Variants in SEL1L3 observed in about 807,000 individuals in gnomAD.
The protein encoded by SEL1L3 is SEL1L family member 3.
SEL1L3 carries 76 observed loss-of-function variants against 142.8 expected under a neutral mutation model. The ratio of observed to expected loss-of-function variants is 0.53; its 90% confidence interval spans 0.44 to 0.64. The LOEUF is 0.64. Among genes scored for constraint, SEL1L3 ranks in the 30% least tolerant of loss-of-function variants. The pLI, the probability that SEL1L3 is intolerant of heterozygous loss-of-function variation, is 0.00. For missense variants in SEL1L3, 1,262 were observed against 1,381.7 expected, an observed-to-expected ratio of 0.91 and a Z score of 1.37; for synonymous variants, 504 against 519.6, an observed-to-expected ratio of 0.97 and a Z score of 0.41.
chr4:25,737,332 T>C, the SEL1L3 span, among the ~76,000 whole-genome samples: 49 of 152,296 alleles, frequency 3.2e-4, no homozygotes, highest in East Asian at 9.3e-3. Context: ...TTCTAGAGAA[T>C]GAGAAGTCCA....
At chr4:25,839,835 A>C (rs1349236163) in intron 2 of SEL1L3, among the ~76,000 whole-genome samples, 1 of 152,196 alleles carries the variant, frequency 6.6e-6, no homozygotes, top group Non-Finnish European at 1.5e-5. Context: ...AGCTCTGAGC[A>C]CTTCCGGGCA....
intron 2 of SEL1L3, among the ~76,000 whole-genome samples, chr4:25,844,968 C>T (rs895550958): frequency 6.6e-6 from 1 of 152,024 alleles, no homozygotes; most frequent in Non-Finnish European, 1.5e-5. Context: ...TCATTTAAAG[C>T]ACTGCACAAA....
At chr4:25,740,474 T>C in the SEL1L3 span, among the ~76,000 whole-genome samples, 141 of 151,390 alleles carry the variant, frequency 9.3e-4, no homozygotes, top group African/African-American at 3.2e-3. Flanking sequence ...TTCTTACTGG[T>C]GCATGGTTTT....
At chr4:25,843,034 C>T (rs1318896280) in intron 2 of SEL1L3, among the ~76,000 whole-genome samples, 1 of 152,116 alleles carries the variant, frequency 6.6e-6, no homozygotes, top group Non-Finnish European at 1.5e-5. Context: ...GTGGAGGGAG[C>T]AGTCACACAG....
intron 5 of SEL1L3, 99 bp downstream of exon 5, chr4:25,832,896 T>C: frequency 1.4e-6 from 1 of 699,910 alleles, no homozygotes; most frequent in Non-Finnish European, 2.5e-6. Flanking sequence ...TTACCACAAA[T>C]TTGCTTTTGC....
At chr4:25,723,130 C>T in the SEL1L3 span, among the ~76,000 whole-genome samples, 1 of 152,178 alleles carries the variant, frequency 6.6e-6, no homozygotes, top group East Asian at 1.9e-4. Context: ...AAGGCCATTC[C>T]TAGCTGGTGA....
intron 1 of SEL1L3, among the ~76,000 whole-genome samples, chr4:25,855,611 G>T (rs76177297): frequency 3.9e-5 from 6 of 152,078 alleles, no homozygotes; most frequent in Non-Finnish European, 8.8e-5. Context: ...CAAAAAAAAA[G>T]TTAGCCAGGT....
chr4:25,842,560 T>G lies in SEL1L3; in HGVS notation c.733+4734A>C, dbSNP rs533850258. ...GCAGCCTTAACTAGCGCAGCCCTGGTGGGTTTGTCTGGGAAGCTGTGGAGT... is the reference window on the plus strand; with the variant it reads ...GCAGCCTTAACTAGCGCAGCCCTGGGGGGTTTGTCTGGGAAGCTGTGGAGT... On this transcript the variant is annotated intron_variant, in intron 2 of 23. Transcript: ENST00000399878. Among the ~76,000 whole-genome samples, 199 of 152,302 alleles carry G rather than the reference T, an allele frequency of 1.3e-3. 2 individuals carry two copies. Among genetic ancestry groups the G allele is most frequent in the African/African-American group, 4.6e-3 (192 of 41,584 alleles).
rs139624341 is a variant in SEL1L3, at chr4:25,766,459, G to T, written c.2846-1024C>A. 3.3e-5 allele frequency among the ~76,000 whole-genome samples: 5 copies of T among 151,490 alleles called. No homozygotes were observed. In the East Asian group the frequency reaches 9.7e-4, roughly 29 times the overall value. On this transcript the variant is annotated intron_variant, in intron 19 of 23. Coordinates refer to ENST00000399878, the MANE Select transcript of SEL1L3 (RefSeq NM_015187.5). ...CATCTCAAAAAAAAAAAAAAAAAGG[G>T]TGTATGTATTAGTCAATGTCCAATA...
In SEL1L3 at chr4:25,847,297, T is replaced by A; in HGVS notation, c.730A>T (p.Asn244Tyr). ...ANRIPQCPLENDVVALLGFPY... is the reference protein window; with the variant it reads ...ANRIPQCPLEYDVVALLGFPY... ...CCTAGCAAGATAGATGACCTACCAT[T>A]TTCCAGAGGACACTGTGGAATCCTG... The change falls in exon 2 of 24, where the codon AAT (asparagine) becomes TAT (tyrosine). Residue 244 changes from asparagine (N) to tyrosine (Y), a missense_variant. Asn to Tyr is a moderately radical substitution (Grantham distance 143, BLOSUM62 -2). This residue lies in a region of SEL1L3 where 689 missense variants were observed against 692.8 expected (regional missense o/e 0.99). Coordinates refer to ENST00000399878, the MANE Select transcript of SEL1L3 (RefSeq NM_015187.5). The A allele has an allele frequency of 6.2e-7, 1 of 1,607,536 alleles. No individual in the cohort carries two copies. Among genetic ancestry groups the A allele is most frequent in the South Asian group, 1.1e-5 (1 of 90,200 alleles).
At chr4:25,782,208 A>C in intron 15 of SEL1L3, 34 bp downstream of exon 15, 3 of 1,587,752 alleles carry the variant, frequency 1.9e-6, no homozygotes, top group Non-Finnish European at 2.6e-6. Flanking sequence ...CAAGTGACTG[A>C]CTAGTTGCAG....
chr4:25,856,523 T>C (rs1717269114), intron 1 of SEL1L3, among the ~76,000 whole-genome samples: 1 of 151,732 alleles, frequency 6.6e-6, no homozygotes, highest in Admixed American at 6.6e-5. Context: ...AAAGTCAAAT[T>C]TGACAACGTC....
intron 23 of SEL1L3, among the ~76,000 whole-genome samples, chr4:25,755,683 G>A (rs1717909574): frequency 1.3e-5 from 2 of 152,136 alleles, no homozygotes; most frequent in Non-Finnish European, 2.9e-5. Flanking sequence ...TGGAGAGACT[G>A]ATAATGAAGG....
rs372634218 is a variant in SEL1L3 at position 25,822,004 on chromosome 4, G to T, written c.1282C>A (p.Pro428Thr). ...TGATCCCCTGGACTCACCTGGGCGG[G>T]GTGCAGACTGCGAAGGCGATAGTAC... is the stretch of plus-strand genomic sequence containing the variant. ...LKYYRLRSLH[P>T]AQIFNPLLEK... Residue 428 changes from proline to threonine, a missense_variant, in exon 7 of 24, where the codon CCC becomes ACC. Transcript: ENST00000399878. The T allele has an allele frequency of 1.6e-4, 253 of 1,613,398 alleles. No individual in the cohort carries two copies. The highest frequency in any genetic ancestry group is 2.0e-4 in the Non-Finnish European group (239 of 1,179,776).
intron 17 of SEL1L3, among the ~76,000 whole-genome samples, chr4:25,774,249 C>A (rs971286126): frequency 6.6e-6 from 1 of 152,178 alleles, no homozygotes; most frequent in South Asian, 2.1e-4. Context: ...AACCTGCCTG[C>A]AGAAGAGATG....
rs748532423 is a variant in SEL1L3 at position 25,790,512 on chromosome 4, A to G, written c.2019T>C (p.Asp673=). The G allele has an allele frequency of 2.5e-6, 4 of 1,613,208 alleles. No individual in the cohort carries two copies. The highest frequency in any genetic ancestry group is 3.4e-6 in the Non-Finnish European group (4 of 1,179,496). ...DEILKVQTKE[D]GDVFMWLKHE... ...GCTTCAACCACATAAAGACATCTCCATCTTCTTTGGTTTGTACCTTGAGTA... is the reference window on the plus strand; with the variant it reads ...GCTTCAACCACATAAAGACATCTCCGTCTTCTTTGGTTTGTACCTTGAGTA... The change falls in exon 12 of 24, where the codon GAT becomes GAC. Residue 673 remains aspartate, a synonymous_variant. Transcript: ENST00000399878.
chr4:25,767,124 T>A (rs1044296273), intron 19 of SEL1L3, among the ~76,000 whole-genome samples: 4 of 152,116 alleles, frequency 2.6e-5, no homozygotes, highest in Non-Finnish European at 4.4e-5. Flanking sequence ...AAACCCTATG[T>A]CTACTTAAAA....
chr4:25,787,762 C>G (rs1409539086), intron 13 of SEL1L3, among the ~76,000 whole-genome samples: 2 of 152,204 alleles, frequency 1.3e-5, no homozygotes, highest in African/African-American at 4.8e-5. Flanking sequence ...AGAGGTGGGA[C>G]TTTCACGCTT....
intron 6 of SEL1L3, among the ~76,000 whole-genome samples, chr4:25,828,685 C>A (rs896164617): frequency 1.3e-5 from 2 of 151,910 alleles, no homozygotes; most frequent in African/African-American, 4.8e-5. Flanking sequence ...TGTAAAATGC[C>A]GGGCCAAGAG....
Sources: allele counts gnomAD v4.1 joint callset (sites outside exome capture counted in the v4.1 genomes callset), GRCh38; gene constraint gnomAD v4.1.1; regional missense constraint gnomAD v4.1.1; transcripts MANE v1.5; gene names NCBI Gene and HGNC (gene_info 2026-07-23, HGNC 2026-07-21).